Variants in DCC observed in about 807,000 individuals in gnomAD.
The protein encoded by DCC is DCC netrin 1 receptor.
In DCC, 58 loss-of-function variants were observed where a neutral mutation model predicts 172.5. The observed-to-expected ratio is 0.34, with a 90% CI of 0.27 to 0.42. The LOEUF is 0.42. Among genes scored for constraint, DCC ranks in the 10% least tolerant of loss-of-function variants. The pLI, the probability that DCC is intolerant of heterozygous loss-of-function variation, is 1.00. For synonymous variants in DCC, 709 were observed against 644.5 expected, an observed-to-expected ratio of 1.10 and a Z score of -1.52; for missense variants, 1,740 against 1,791.0, an observed-to-expected ratio of 0.97 and a Z score of 0.51.
chr18:53,338,556 G>A (rs371028054), intron 14 of DCC, among the ~76,000 whole-genome samples: 57 of 152,268 alleles, frequency 3.7e-4, no homozygotes, highest in African/African-American at 1.2e-3. Context: ...AGCCGAGATC[G>A]TGCCACTGCA....
intron 13 of DCC, among the ~76,000 whole-genome samples, chr18:53,309,966 A>G (rs927894473): frequency 1.6e-4 from 23 of 145,904 alleles, no homozygotes; most frequent in South Asian, 8.6e-4. Flanking sequence ...ACGTGTGTGT[A>G]TATATATATA....
intron 1 of DCC, among the ~76,000 whole-genome samples, chr18:52,718,064 G>A (rs2036414353): frequency 6.6e-6 from 1 of 152,310 alleles, no homozygotes; most frequent in South Asian, 2.1e-4. Context: ...GGAGGCATGA[G>A]TGGGACTTCT....
chr18:52,729,605 C>A (rs2036604930), intron 1 of DCC, among the ~76,000 whole-genome samples: 1 of 152,174 alleles, frequency 6.6e-6, no homozygotes, highest in African/African-American at 2.4e-5. Flanking sequence ...TATCTCTTTG[C>A]TGGGTTATAT....
At chr18:52,953,713 T>C (rs1308916002) in intron 5 of DCC, among the ~76,000 whole-genome samples, 1 of 152,200 alleles carries the variant, frequency 6.6e-6, no homozygotes, top group African/African-American at 2.4e-5. Flanking sequence ...TAACCAAACA[T>C]TTCAGTGTGT....
chr18:52,436,640 G>T (rs1987803909), intron 1 of DCC, among the ~76,000 whole-genome samples: 1 of 152,180 alleles, frequency 6.6e-6, no homozygotes. Context: ...GGGCATGGTG[G>T]CTCACACCTG....
intron 5 of DCC, among the ~76,000 whole-genome samples, chr18:53,031,128 G>T (rs1420759613): frequency 6.6e-6 from 1 of 152,066 alleles, no homozygotes; most frequent in Non-Finnish European, 1.5e-5. Flanking sequence ...GTTTTGTGGT[G>T]GGCATCTGTA....
At chr18:52,457,992 C>A (rs1458245794) in intron 1 of DCC, among the ~76,000 whole-genome samples, 1 of 152,166 alleles carries the variant, frequency 6.6e-6, no homozygotes, top group Non-Finnish European at 1.5e-5. Context: ...AAAAGCTAGT[C>A]TCTGAGAGTG....
At chr18:52,499,169 C>T (rs1314456420) in intron 1 of DCC, among the ~76,000 whole-genome samples, 1 of 152,158 alleles carries the variant, frequency 6.6e-6, no homozygotes, top group Non-Finnish European at 1.5e-5. Flanking sequence ...GCAGATGGTG[C>T]TGATCAAGGA....
chr18:52,927,038 T>C (rs1192307455), intron 5 of DCC, among the ~76,000 whole-genome samples: 1 of 111,096 alleles, frequency 9.0e-6, no homozygotes, highest in African/African-American at 3.0e-5. Flanking sequence ...AGTATGAGTA[T>C]GCCAATACAT....
intron 5 of DCC, among the ~76,000 whole-genome samples, chr18:53,027,690 A>G (rs371755163): frequency 2.6e-5 from 4 of 151,936 alleles, no homozygotes; most frequent in African/African-American, 9.7e-5. Flanking sequence ...TTTTTCTGTC[A>G]ACTTTTCTTC....
chr18:52,355,104 G>C (rs1406517795), intron 1 of DCC, among the ~76,000 whole-genome samples: 1 of 152,146 alleles, frequency 6.6e-6, no homozygotes, highest in Non-Finnish European at 1.5e-5. Flanking sequence ...GATAGACTCT[G>C]TGTTTGCCTT....
chr18:52,630,699 G>T (rs542775347), intron 1 of DCC, among the ~76,000 whole-genome samples: 2 of 151,906 alleles, frequency 1.3e-5, no homozygotes, highest in South Asian at 4.2e-4. Context: ...CACCTGCTTA[G>T]TTAATTCTTA....
intron 16 of DCC, among the ~76,000 whole-genome samples, chr18:53,391,226 T>C (rs191503685): frequency 6.6e-6 from 1 of 152,268 alleles, no homozygotes; most frequent in East Asian, 1.9e-4. Flanking sequence ...AATTAGGTAT[T>C]AGATAAGCAA....
chr18:53,257,195 A>G (rs2056529076), intron 12 of DCC, among the ~76,000 whole-genome samples: 1 of 152,100 alleles, frequency 6.6e-6, no homozygotes, highest in African/African-American at 2.4e-5. Context: ...CTAATTGAAT[A>G]CCTTTTATTT....
At chr18:52,921,909 C>A (rs1040696285) in intron 3 of DCC, among the ~76,000 whole-genome samples, 2 of 151,624 alleles carry the variant, frequency 1.3e-5, no homozygotes, top group Non-Finnish European at 2.9e-5. Flanking sequence ...TACCGAGGAG[C>A]AGATGGTAAA....
At chr18:52,602,900 C>T (rs1341935446) in intron 1 of DCC, among the ~76,000 whole-genome samples, 1 of 151,988 alleles carries the variant, frequency 6.6e-6, no homozygotes, top group Admixed American at 6.6e-5. Flanking sequence ...TGGAATATTA[C>T]CTAGAGTTGG....
intron 5 of DCC, among the ~76,000 whole-genome samples, chr18:53,014,903 T>G (rs551109452): frequency 2.0e-5 from 3 of 152,154 alleles, no homozygotes; most frequent in Admixed American, 6.6e-5. Context: ...AATTGACATC[T>G]CCATTTAATT....
At chr18:52,887,382 G>T (rs1598899965) in intron 2 of DCC, among the ~76,000 whole-genome samples, 1 of 151,714 alleles carries the variant, frequency 6.6e-6, no homozygotes, top group South Asian at 2.1e-4. Flanking sequence ...TATCCTTTGT[G>T]CTGCCTAATG....
chr18:53,308,335 C>G (rs1458055838), intron 13 of DCC, among the ~76,000 whole-genome samples: 2 of 151,874 alleles, frequency 1.3e-5, no homozygotes, highest in East Asian at 3.9e-4. Flanking sequence ...TTAAAAAAAG[C>G]ATTCACATAA....
Sources: gnomAD v4.1 joint callset for allele counts (sites outside exome capture counted in the v4.1 genomes callset) on GRCh38, gnomAD v4.1.1 for gene constraint, MANE v1.5 for transcripts, NCBI Gene and HGNC (gene_info 2026-07-23, HGNC 2026-07-21) for gene names.